Variants in ELMO1 observed in about 807,000 individuals in gnomAD.
The protein encoded by ELMO1 is engulfment and cell motility 1.
Under a neutral mutation model 98.9 loss-of-function variants are expected in ELMO1, and 26 were observed. That is an observed-to-expected ratio of 0.26 (90% confidence interval 0.19 to 0.36). The LOEUF is 0.36. Ranked by LOEUF, ELMO1 falls within the 10% of genes least tolerant of loss-of-function variation. ELMO1 has a pLI of 1.00. For synonymous variants in ELMO1, 346 were observed against 346.0 expected, an observed-to-expected ratio of 1.00 and a Z score of 0.00; for missense variants, 627 against 935.2, an observed-to-expected ratio of 0.67 and a Z score of 4.30.
At chr7:37,350,806 A>G (rs2700985) in intron 1 of ELMO1, among the ~76,000 whole-genome samples, 140,417 of 152,218 alleles carry the variant, frequency 0.92, 64,954 homozygotes, top group Non-Finnish European at 0.96. Flanking sequence ...ATGTTTGTCT[A>G]TTATCCTTTT....
chr7:37,049,965 A>G (rs1290835907), intron 15 of ELMO1, among the ~76,000 whole-genome samples: 2 of 151,590 alleles, frequency 1.3e-5, no homozygotes, highest in African/African-American at 2.4e-5. Context: ...TTTTTAGTAG[A>G]GACAGGGTTT....
At chr7:37,239,968 T>C (rs927069604) in intron 7 of ELMO1, among the ~76,000 whole-genome samples, 2 of 152,324 alleles carry the variant, frequency 1.3e-5, no homozygotes, top group East Asian at 3.9e-4. Context: ...TGCATTTCCA[T>C]GACTAACACA....
At chr7:36,865,346 T>G (rs756162020) in intron 20 of ELMO1, among the ~76,000 whole-genome samples, 53 of 152,220 alleles carry the variant, frequency 3.5e-4, no homozygotes, top group Non-Finnish European at 3.2e-4. Flanking sequence ...CTATAGCTTA[T>G]TGCTGTCCAG....
Position 36,870,341 on chromosome 7 carries a change from T to G in ELMO1, c.1905+52A>C, listed in dbSNP as rs1345009361. On this transcript the variant is annotated intron_variant, in intron 20 of 21. Transcript: ENST00000310758. The surrounding 1 kb of genome is among the most constrained non-coding windows in gnomAD (Gnocchi z 4.4). Reference sequence around the variant, plus strand: ...AAAGGAGGGCTAGGCTGGCTGCAGTTGCCGACCGCACTGGGCAAATAGAGC... The same window carrying G: ...AAAGGAGGGCTAGGCTGGCTGCAGTGGCCGACCGCACTGGGCAAATAGAGC... The G allele has an allele frequency of 1.3e-6, 2 of 1,575,654 alleles. No individual in the cohort carries two copies. The highest frequency in any genetic ancestry group is 1.7e-6 in the Non-Finnish European group (2 of 1,146,664).
In ELMO1 at chr7:36,878,087, T is replaced by A; in HGVS notation, c.1745A>T (p.Asn582Ile). 1 of 1,614,088 alleles carries A rather than the reference T, an allele frequency of 6.2e-7. No homozygotes were observed. Among genetic ancestry groups the A allele is most frequent in the Non-Finnish European group, 8.5e-7 (1 of 1,179,956 alleles). Residue 582 changes from asparagine (N) to isoleucine (I), a missense_variant, in exon 19 of 22, where the codon AAT becomes ATT. Physicochemically the swap from Asn to Ile is moderately radical, Grantham distance 149. Transcript: ENST00000310758. ...GTCTCCGTAATGCAGGACTTTGTGATTTGGCGAAAGCCGACAATACCAAAA... is the reference window on the plus strand; with the variant it reads ...GTCTCCGTAATGCAGGACTTTGTGAATTGGCGAAAGCCGACAATACCAAAA... ...DKFWYCRLSP[N>I]HKVLHYGDLE...
intron 1 of ELMO1, among the ~76,000 whole-genome samples, chr7:37,392,075 G>A (rs1233745485): frequency 6.6e-6 from 1 of 152,158 alleles, no homozygotes. Flanking sequence ...GCTAAATTTC[G>A]AAAGGAAGTC....
chr7:36,860,010 T>C (rs1413180059), intron 21 of ELMO1, among the ~76,000 whole-genome samples: 1 of 152,230 alleles, frequency 6.6e-6, no homozygotes, highest in Non-Finnish European at 1.5e-5. Context: ...ACTTTTATGA[T>C]GATCCTCTTC....
chr7:37,285,415 G>T (rs1174410375), intron 4 of ELMO1, among the ~76,000 whole-genome samples: 1 of 152,130 alleles, frequency 6.6e-6, no homozygotes, highest in Non-Finnish European at 1.5e-5. Flanking sequence ...ACAAAGTCTT[G>T]CAAATGTCCC....
chr7:36,863,897 AATG>A (rs1175876122), intron 20 of ELMO1, among the ~76,000 whole-genome samples: 2 of 152,228 alleles, frequency 1.3e-5, no homozygotes, highest in African/African-American at 4.8e-5. Flanking sequence ...TGTTCATTAA[AATG>A]ATGATTTCTT....
chr7:36,951,600 G>T (rs533062147), intron 16 of ELMO1, among the ~76,000 whole-genome samples: 1 of 152,256 alleles, frequency 6.6e-6, no homozygotes, highest in East Asian at 1.9e-4. Flanking sequence ...CTGGGATAGG[G>T]TCTGAGAATC....
intron 1 of ELMO1, among the ~76,000 whole-genome samples, chr7:37,369,627 C>T (rs561277633): frequency 1.6e-4 from 23 of 145,630 alleles, no homozygotes; most frequent in Admixed American, 1.4e-3. Flanking sequence ...TAATAACCAA[C>T]GGGTAAGAAG....
intron 1 of ELMO1, among the ~76,000 whole-genome samples, chr7:37,393,432 C>T (rs1803166050): frequency 6.6e-6 from 1 of 152,104 alleles, no homozygotes; most frequent in Non-Finnish European, 1.5e-5. Flanking sequence ...AATTATTTCA[C>T]CAAATGTCCC....
intron 4 of ELMO1, among the ~76,000 whole-genome samples, chr7:37,287,250 C>T (rs1474095370): frequency 1.3e-5 from 2 of 151,792 alleles, no homozygotes; most frequent in East Asian, 1.9e-4. Context: ...TATCAATGCA[C>T]GTGTCAGCAA....
chr7:36,975,501 T>G, intron 16 of ELMO1, among the ~76,000 whole-genome samples: 1 of 151,850 alleles, frequency 6.6e-6, no homozygotes, highest in East Asian at 1.9e-4. Flanking sequence ...TCATCAAAGT[T>G]GAAATAGTTT....
At chr7:36,912,529 A>G (rs921918718) in intron 16 of ELMO1, among the ~76,000 whole-genome samples, 7 of 152,346 alleles carry the variant, frequency 4.6e-5, no homozygotes, top group South Asian at 4.1e-4. Flanking sequence ...TAAAATATCC[A>G]TAATAGTTAA....
intron 12 of ELMO1, 119 bp downstream of exon 12, chr7:37,213,216 A>T (rs998213815): frequency 5.3e-6 from 7 of 1,323,636 alleles, no homozygotes; most frequent in Non-Finnish European, 7.2e-6. Flanking sequence ...CTGAGATGAT[A>T]ATAAAATGAC....
rs542336850 is a variant in ELMO1 at position 37,021,930 on chromosome 7, CAGAACAAT to C, written c.1301-8503_1301-8496del. ...TGGTATTGGTGTATGGATGGAAAAA[CAGAACAAT>C]AGAACAGAATAGGGAGTCCAGAGAC... On this transcript the variant is annotated intron_variant, in intron 15 of 21. Coordinates refer to ENST00000310758, the MANE Select transcript of ELMO1 (RefSeq NM_014800.11). Among the ~76,000 whole-genome samples the C allele has an allele frequency of 3.0e-4, 46 of 152,178 alleles. 1 individual carries two copies. The South Asian group carries it at 9.3e-3, about 31-fold the overall frequency.
chr7:37,192,975 A>ATC lies in ELMO1; in HGVS notation c.1086+18410_1086+18411insGA, dbSNP rs201481385. Among the ~76,000 whole-genome samples the ATC allele has an allele frequency of 6.1e-4, 15 of 24,636 alleles. 1 individual carries two copies. The highest frequency in any genetic ancestry group is 6.7e-3 in the East Asian group (1 of 150). The allele number at this position is 24,636 out of a possible 152,430, so 16.2% of individuals were successfully genotyped here. On this transcript the variant is annotated intron_variant, in intron 13 of 21. Coordinates refer to ENST00000310758, the MANE Select transcript of ELMO1 (RefSeq NM_014800.11). ...TATTTTTTATATATATAGGAGATAT[A>ATC]TATATATATATATATATATATATAT...
intron 15 of ELMO1, among the ~76,000 whole-genome samples, chr7:37,093,970 A>G (rs538711171): frequency 1.3e-5 from 2 of 152,340 alleles, no homozygotes; most frequent in South Asian, 4.1e-4. Flanking sequence ...GACAAAACTC[A>G]TAGGAAAAAG....
Sources: gnomAD v4.1 joint callset for allele counts (sites outside exome capture counted in the v4.1 genomes callset) on GRCh38, gnomAD v4.1.1 for gene constraint, Gnocchi (gnomAD v3.1) non-coding constraint, MANE v1.5 for transcripts, NCBI Gene and HGNC (gene_info 2026-07-23, HGNC 2026-07-21) for gene names.